Variants in CDK14 observed in about 807,000 individuals in gnomAD.
The protein encoded by CDK14 is cyclin dependent kinase 14.
CDK14 carries 34 observed loss-of-function variants against 60.7 expected under a neutral mutation model. The ratio of observed to expected loss-of-function variants is 0.56; its 90% CI spans 0.43 to 0.75. The LOEUF is 0.75. CDK14 is among the 30% of genes least tolerant of loss of function. The pLI is 0.00. For missense variants in CDK14, 482 were observed against 564.1 expected (o/e 0.85, Z 1.47); for synonymous variants, 197 against 203.7 (o/e 0.97, Z 0.28).
chr7:91,165,200 T>C (rs1801309174), intron 14 of CDK14, among the ~76,000 whole-genome samples: 1 of 152,232 alleles, frequency 6.6e-6, no homozygotes, highest in Admixed American at 6.5e-5. Flanking sequence ...CAGTTTCCTT[T>C]TGATTACTTC....
At chr7:91,153,531 C>T (rs1056056408) in intron 14 of CDK14, among the ~76,000 whole-genome samples, 1 of 152,102 alleles carries the variant, frequency 6.6e-6, no homozygotes, top group African/African-American at 2.4e-5. Context: ...ACATATACAC[C>T]ATGGAATACT....
chr7:90,731,638 G>T (rs1327737208), intron 3 of CDK14, among the ~76,000 whole-genome samples: 2 of 152,056 alleles, frequency 1.3e-5, no homozygotes, highest in African/African-American at 4.8e-5. Context: ...TTGGCTGTCT[G>T]TTTGTCTGTT....
chr7:90,688,535 T>G (rs1801487650), intron 2 of CDK14, among the ~76,000 whole-genome samples: 2 of 152,306 alleles, frequency 1.3e-5, no homozygotes, highest in Non-Finnish European at 2.9e-5. Context: ...GGAAATGACT[T>G]AAGGATGCAC....
At chr7:90,716,077 A>G (rs966647420) in intron 2 of CDK14, among the ~76,000 whole-genome samples, 1 of 152,008 alleles carries the variant, frequency 6.6e-6, no homozygotes, top group Non-Finnish European at 1.5e-5. Context: ...GTGGATGTCA[A>G]CTGGAAGTCA....
chr7:91,195,377 G>A (rs987338177), intron 14 of CDK14, among the ~76,000 whole-genome samples: 1 of 152,152 alleles, frequency 6.6e-6, no homozygotes, highest in African/African-American at 2.4e-5. Flanking sequence ...AGTTAATAAT[G>A]TATATTTTTT....
At chr7:90,725,781 G>A (rs1213487488) in intron 2 of CDK14, among the ~76,000 whole-genome samples, 1 of 152,004 alleles carries the variant, frequency 6.6e-6, no homozygotes, top group African/African-American at 2.4e-5. Flanking sequence ...AAAGTAAAAA[G>A]CAAGGAGCAA....
chr7:91,000,419 G>A (rs1350287436), intron 10 of CDK14, among the ~76,000 whole-genome samples: 2 of 152,178 alleles, frequency 1.3e-5, no homozygotes, highest in Admixed American at 1.3e-4. Flanking sequence ...TTTTGCTGAT[G>A]TACACACTTA....
intron 4 of CDK14, among the ~76,000 whole-genome samples, chr7:90,756,275 C>T (rs1804054801): frequency 6.6e-6 from 1 of 152,192 alleles, no homozygotes; most frequent in Non-Finnish European, 1.5e-5. Flanking sequence ...AGTTCCTATC[C>T]ATTGAAGATG....
At chr7:90,651,209 C>T (rs1222685586) in intron 2 of CDK14, among the ~76,000 whole-genome samples, 2 of 152,164 alleles carry the variant, frequency 1.3e-5, no homozygotes, top group African/African-American at 2.4e-5. Flanking sequence ...ATTTTATTCT[C>T]TTTGAAGCAA....
At chr7:90,770,691 G>A (rs11763991) in intron 4 of CDK14, among the ~76,000 whole-genome samples, 22,814 of 152,058 alleles carry the variant, frequency 0.15, 1,791 homozygotes, top group South Asian at 0.18. Context: ...GGCTTTAAAT[G>A]TGCTTTGCTG....
Position 90,596,631 on chromosome 7 carries a change from T to C in CDK14, c.4T>C (p.Cys2Arg), listed in dbSNP as rs1201400034. ...GTCGGGGCTCCGCGTCGCCCAGATG[T>C]GTGACCTCATTGAGCCGCAGCCGGC... Reference protein sequence around the residue: MCDLIEPQPAEK... With the variant: MRDLIEPQPAEK... Residue 2 changes from cysteine to arginine, a missense_variant, in exon 1 of 15, where the codon TGT (cysteine) becomes CGT (arginine). Physicochemically the swap from Cys to Arg is radical, Grantham distance 180. Transcript: ENST00000380050. 1 of 1,611,438 alleles carries C rather than the reference T, an allele frequency of 6.2e-7. No homozygotes were observed. Among genetic ancestry groups the C allele is most frequent in the Admixed American group, 1.7e-5 (1 of 60,002 alleles).
intron 11 of CDK14, among the ~76,000 whole-genome samples, chr7:91,072,563 T>C (rs1798183405): frequency 6.6e-6 from 1 of 151,980 alleles, no homozygotes; most frequent in African/African-American, 2.4e-5. Context: ...CTCATGAAGA[T>C]GAGAAAGAAT....
chr7:90,936,035 C>G (rs1036640405), intron 8 of CDK14, among the ~76,000 whole-genome samples: 2 of 148,186 alleles, frequency 1.3e-5, no homozygotes, highest in African/African-American at 2.4e-5. Context: ...GAGCGAGACC[C>G]TGTCTTAAAA....
At chr7:90,904,431 TGTG>T (rs759736635) in intron 7 of CDK14, among the ~76,000 whole-genome samples, 1 of 152,018 alleles carries the variant, frequency 6.6e-6, no homozygotes, top group Non-Finnish European at 1.5e-5. Flanking sequence ...AAAACAAAAA[TGTG>T]GTATTATTTT....
At chr7:90,886,869 A>C (rs1051205488) in intron 6 of CDK14, among the ~76,000 whole-genome samples, 1 of 152,166 alleles carries the variant, frequency 6.6e-6, no homozygotes, top group African/African-American at 2.4e-5. Flanking sequence ...GCACAGCAAG[A>C]GATTAAGTAC....
At chr7:90,997,078 T>G (rs1477541601) in intron 10 of CDK14, among the ~76,000 whole-genome samples, 1 of 152,212 alleles carries the variant, frequency 6.6e-6, no homozygotes, top group East Asian at 1.9e-4. Context: ...CCCTCACCAG[T>G]GAATTTTTCT....
chr7:90,866,179 T>C (rs1791173330), intron 6 of CDK14, among the ~76,000 whole-genome samples: 1 of 151,578 alleles, frequency 6.6e-6, no homozygotes, highest in African/African-American at 2.4e-5. Flanking sequence ...TTGTAAGTTA[T>C]AGTATTGTCA....
intron 2 of CDK14, among the ~76,000 whole-genome samples, chr7:90,677,720 T>C (rs1801230588): frequency 6.6e-6 from 1 of 152,122 alleles, no homozygotes; most frequent in Non-Finnish European, 1.5e-5. Flanking sequence ...TAATTAAGCC[T>C]CTCTTCTCTG....
chr7:90,974,746 A>T (rs900584686), intron 9 of CDK14, among the ~76,000 whole-genome samples: 5 of 152,200 alleles, frequency 3.3e-5, no homozygotes, highest in African/African-American at 1.2e-4. Flanking sequence ...TCCCTTGAAA[A>T]TATGCATCAA....
Sources: gnomAD v4.1 joint callset for allele counts (sites outside exome capture counted in the v4.1 genomes callset) on GRCh38, gnomAD v4.1.1 for gene constraint, MANE v1.5 for transcripts, NCBI Gene and HGNC (gene_info 2026-07-23, HGNC 2026-07-21) for gene names.